GSG1L: variants seen among roughly 807,000 people sequenced by gnomAD.
GSG1L encodes germ cell-specific gene 1-like protein.
GSG1L carries 24 observed loss-of-function variants against 42.1 expected under a neutral mutation model. The ratio of observed to expected loss-of-function variants is 0.57; its 90% CI spans 0.41 to 0.80. The LOEUF is 0.80. Among genes scored for constraint, GSG1L ranks in the 30% least tolerant of loss-of-function variants. GSG1L has a pLI of 0.00. For synonymous variants in GSG1L, 215 were observed against 203.5 expected (o/e 1.06, Z -0.48); for missense variants, 445 against 472.2 (o/e 0.94, Z 0.53).
chr16:27,803,430 C>A (rs955853276), intron 6 of GSG1L, among the ~76,000 whole-genome samples: 1 of 152,122 alleles, frequency 6.6e-6, no homozygotes, highest in Non-Finnish European at 1.5e-5. Context: ...CCAGCAGGCT[C>A]GACGCTGTGC....
intron 2 of GSG1L, among the ~76,000 whole-genome samples, chr16:27,891,166 G>A (rs2084120994): frequency 6.6e-6 from 1 of 152,192 alleles, no homozygotes; most frequent in African/African-American, 2.4e-5. Flanking sequence ...CAGAAGCTGG[G>A]TGCCACTGGG....
chr16:27,972,648 C>T (rs1404844933), intron 1 of GSG1L, among the ~76,000 whole-genome samples: 1 of 152,172 alleles, frequency 6.6e-6, no homozygotes, highest in East Asian at 1.9e-4. Context: ...GGCAGCATAC[C>T]TTTGGTGAAC....
chr16:27,853,635 A>G lies in GSG1L; in HGVS notation c.551-8574T>C, dbSNP rs2083540897. 2.0e-5 allele frequency among the ~76,000 whole-genome samples: 3 copies of G among 152,188 alleles called. No individual in the cohort carries two copies. The South Asian group carries it at 6.2e-4, about 32-fold the overall frequency. On this transcript the variant is annotated intron_variant, in intron 3 of 6. Transcript: ENST00000447459. ...GGTCCCCTTTTAGATTACCAGAGTC[A>G]TTAGCGTCACTCTGGTTGGAATTCT...
At chr16:27,801,128 A>G (rs1295891791) in intron 6 of GSG1L, among the ~76,000 whole-genome samples, 1 of 152,100 alleles carries the variant, frequency 6.6e-6, no homozygotes, top group African/African-American at 2.4e-5. Flanking sequence ...CAAGGGAATG[A>G]GTTTTGCGTG....
intron 1 of GSG1L, among the ~76,000 whole-genome samples, chr16:28,020,122 T>C (rs1217734475): frequency 6.6e-6 from 1 of 152,244 alleles, no homozygotes; most frequent in East Asian, 1.9e-4. Context: ...GGCGAGTGAT[T>C]GAAGTCAAAG....
chr16:28,058,081 C>T (rs931540074), intron 1 of GSG1L, among the ~76,000 whole-genome samples: 7 of 152,238 alleles, frequency 4.6e-5, no homozygotes, highest in East Asian at 1.9e-4. Flanking sequence ...TGCAGTGCTC[C>T]GCCCAACGAG....
chr16:27,995,257 C>T (rs1259732221), intron 1 of GSG1L, among the ~76,000 whole-genome samples: 3 of 152,176 alleles, frequency 2.0e-5, no homozygotes, highest in African/African-American at 4.8e-5. Flanking sequence ...CAGACACGAA[C>T]GCCCTTGGAG....
chr16:27,827,660 T>C (rs1336577168), intron 5 of GSG1L, among the ~76,000 whole-genome samples: 1 of 152,110 alleles, frequency 6.6e-6, no homozygotes, highest in Admixed American at 6.5e-5. Flanking sequence ...TCTCTCTGAG[T>C]GGCTTCATCA....
At chr16:27,974,585 T>C (rs1326841127) in intron 1 of GSG1L, among the ~76,000 whole-genome samples, 3 of 152,198 alleles carry the variant, frequency 2.0e-5, no homozygotes, top group Non-Finnish European at 4.4e-5. Context: ...AGAGTGCCTG[T>C]TCATACCCAC....
intron 2 of GSG1L, among the ~76,000 whole-genome samples, chr16:27,945,262 C>T (rs1158038669): frequency 6.6e-6 from 1 of 151,972 alleles, no homozygotes; most frequent in Non-Finnish European, 1.5e-5. Context: ...TTTAAACAGG[C>T]AAATTGAATG....
intron 3 of GSG1L, among the ~76,000 whole-genome samples, chr16:27,862,741 G>C (rs754610008): frequency 3.9e-5 from 6 of 152,058 alleles, no homozygotes; most frequent in Non-Finnish European, 7.4e-5. Flanking sequence ...CCCAAACCTT[G>C]AACCCCAGCC....
chr16:27,938,621 G>A (rs2084748076), intron 2 of GSG1L, among the ~76,000 whole-genome samples: 3 of 152,180 alleles, frequency 2.0e-5, no homozygotes, highest in Non-Finnish European at 2.9e-5. Flanking sequence ...TTGTCAGGAC[G>A]GGCAAGTGCC....
intron 2 of GSG1L, among the ~76,000 whole-genome samples, chr16:27,927,469 C>A (rs1567521903): frequency 6.6e-6 from 1 of 152,128 alleles, no homozygotes; most frequent in Non-Finnish European, 1.5e-5. Context: ...CCTGGACCGG[C>A]CTCACCTGCT....
chr16:28,016,225 G>A (rs2085778715), intron 1 of GSG1L, among the ~76,000 whole-genome samples: 1 of 152,144 alleles, frequency 6.6e-6, no homozygotes, highest in Non-Finnish European at 1.5e-5. Context: ...CTGACCTCAG[G>A]TGATCTGCCC....
At chr16:27,960,706 C>T (rs2085060069) in intron 2 of GSG1L, among the ~76,000 whole-genome samples, 1 of 152,090 alleles carries the variant, frequency 6.6e-6, no homozygotes, top group Non-Finnish European at 1.5e-5. Context: ...GGGCTGGGCC[C>T]GTATACATGG....
At position 28,028,345 on chromosome 16, in the gene GSG1L, T is replaced by C. The variant is rs369963553; in HGVS notation, c.349+34731A>G. Among the ~76,000 whole-genome samples the C allele has an allele frequency of 3.9e-5, 6 of 152,164 alleles. No individual in the cohort carries two copies. The East Asian group carries it at 1.2e-3, about 30-fold the overall frequency. On this transcript the variant is annotated intron_variant, in intron 1 of 6. Coordinates refer to ENST00000447459, the MANE Select transcript of GSG1L (RefSeq NM_001109763.2). ...ATTATTTTCATCCCGATCTTGAAGA[T>C]GAATAAACCAAGCCTTGAGGAGGTC...
At chr16:28,025,015 G>C (rs1207715074) in intron 1 of GSG1L, among the ~76,000 whole-genome samples, 1 of 152,198 alleles carries the variant, frequency 6.6e-6, no homozygotes, top group African/African-American at 2.4e-5. Context: ...CCCACCCGGG[G>C]GCTCAGGCCA....
intron 2 of GSG1L, among the ~76,000 whole-genome samples, chr16:27,954,752 C>T (rs553419050): frequency 6.6e-6 from 1 of 152,314 alleles, no homozygotes; most frequent in South Asian, 2.1e-4. Flanking sequence ...CTCCCCAGCT[C>T]AAGCAATCCT....
chr16:27,955,581 C>G (rs1444010945), intron 2 of GSG1L, among the ~76,000 whole-genome samples: 1 of 152,090 alleles, frequency 6.6e-6, no homozygotes, highest in Admixed American at 6.6e-5. Context: ...AAAATTATTT[C>G]CAACCTAAAA....
Sources: allele counts gnomAD v4.1 joint callset (sites outside exome capture counted in the v4.1 genomes callset), GRCh38; gene constraint gnomAD v4.1.1; transcripts MANE v1.5; gene names NCBI Gene and HGNC (gene_info 2026-07-23, HGNC 2026-07-21).